The following GAREM1 variants were observed in gnomAD, a reference collection of about 807,000 sequenced individuals.
GAREM1 encodes GRB2 associated regulator of MAPK1 subtype 1.
Under a neutral mutation model 71.3 loss-of-function variants are expected in GAREM1, and 26 were observed. The ratio of observed to expected loss-of-function variants is 0.36; its 90% confidence interval spans 0.27 to 0.51. The LOEUF (loss-of-function observed/expected upper bound fraction) is 0.51, where lower values mean the gene tolerates loss of function less well. Among genes scored for constraint, GAREM1 ranks in the 20% least tolerant of loss-of-function variants. The pLI is 0.95. For synonymous variants in GAREM1, 440 were observed against 433.2 expected (o/e 1.02, Z -0.20); for missense variants, 1,026 against 1,103.1 (o/e 0.93, Z 0.99).
intron 2 of GAREM1, among the ~76,000 whole-genome samples, chr18:32,337,755 T>C (rs940890108): frequency 2.0e-5 from 3 of 152,202 alleles, no homozygotes; most frequent in Non-Finnish European, 4.4e-5. Flanking sequence ...CCTTGTTTTC[T>C]ACTCAAAACT....
rs537920379 is a variant in GAREM1 at position 32,409,091 on chromosome 18, G to A, written c.122-16056C>T. Among the ~76,000 whole-genome samples, 193 of 152,164 alleles carry A rather than the reference G, an allele frequency of 1.3e-3. 1 individual carries two copies. The highest frequency in any genetic ancestry group is 4.5e-3 in the African/African-American group (185 of 41,506). On this transcript the variant is annotated intron_variant, in intron 1 of 5. Coordinates refer to ENST00000269209, the MANE Select transcript of GAREM1 (RefSeq NM_001242409.2). ...CCCCAGTTAACCCATCAGCTCTTTT[G>A]GCTCAATATCATCTCTTTTTCTGCT...
In GAREM1 at chr18:32,265,338, A is replaced by G. The variant is rs556690248; in HGVS notation, c.*2533T>C. 6.6e-6 allele frequency: 1 copy of G among 152,348 alleles called. No individual in the cohort carries two copies. Among genetic ancestry groups the G allele is most frequent in the Non-Finnish European group, 1.5e-5 (1 of 68,042 alleles). 9.4% of individuals were successfully genotyped at this position (152,348 alleles called of 1,614,324 possible). On this transcript the variant is annotated 3_prime_UTR_variant, in exon 6 of 6. Transcript: ENST00000269209. ...TACTTTCTGCCTCCAACACATTCCA[A>G]GTTTTAGTGATCTTGGGGTGTTCTG...
At chr18:32,369,295 G>A (rs1439888983) in intron 2 of GAREM1, among the ~76,000 whole-genome samples, 14 of 152,154 alleles carry the variant, frequency 9.2e-5, no homozygotes, top group Admixed American at 8.5e-4. Context: ...ATTTTTATAC[G>A]TTTTTGAGCA....
intron 1 of GAREM1, among the ~76,000 whole-genome samples, chr18:32,414,086 C>A (rs2048445088): frequency 6.6e-6 from 1 of 151,956 alleles, no homozygotes; most frequent in Admixed American, 6.6e-5. Context: ...AATGAAAAAT[C>A]TATTTTAATG....
chr18:32,426,011 TTTTG>T (rs1262536016), intron 1 of GAREM1, among the ~76,000 whole-genome samples: 3 of 152,086 alleles, frequency 2.0e-5, no homozygotes, highest in Non-Finnish European at 4.4e-5. Flanking sequence ...TTTTAATTCT[TTTTG>T]TTTGTTTGAT....
Position 32,264,660 on chromosome 18 carries a change from A to G in GAREM1, c.*3211T>C, listed in dbSNP as rs2041348919. Reference sequence around the variant, plus strand: ...CTGCAACTTCATAAACTGCAATGATATATGTGGGTTGAAAGAATGTAAGTA... The same window carrying G: ...CTGCAACTTCATAAACTGCAATGATGTATGTGGGTTGAAAGAATGTAAGTA... On this transcript the variant is annotated 3_prime_UTR_variant, in exon 6 of 6. Coordinates refer to ENST00000269209, the MANE Select transcript of GAREM1 (RefSeq NM_001242409.2). The G allele has an allele frequency of 6.6e-6, 1 of 152,264 alleles. No homozygotes were observed. Among genetic ancestry groups the G allele is most frequent in the Admixed American group, 6.5e-5 (1 of 15,288 alleles). 9.4% of individuals were successfully genotyped at this position (152,264 alleles called of 1,614,324 possible).
At chr18:32,375,696 T>C (rs1210232513) in intron 2 of GAREM1, among the ~76,000 whole-genome samples, 1 of 152,202 alleles carries the variant, frequency 6.6e-6, no homozygotes, top group African/African-American at 2.4e-5. Flanking sequence ...AGCAGTGATT[T>C]GGAATTGATT....
At chr18:32,355,489 A>ACT (rs2047795744) in intron 2 of GAREM1, among the ~76,000 whole-genome samples, 1 of 152,214 alleles carries the variant, frequency 6.6e-6, no homozygotes, top group South Asian at 2.1e-4. Flanking sequence ...AAGTGGTCAA[A>ACT]ATACTAATTT....
intron 2 of GAREM1, among the ~76,000 whole-genome samples, chr18:32,326,994 A>G (rs557634120): frequency 1.3e-5 from 2 of 152,356 alleles, no homozygotes; most frequent in East Asian, 3.9e-4. Flanking sequence ...TGACTTTGTC[A>G]GGGAACAGAG....
At chr18:32,333,446 TG>T in intron 2 of GAREM1, among the ~76,000 whole-genome samples, 1 of 152,270 alleles carries the variant, frequency 6.6e-6, no homozygotes, top group East Asian at 1.9e-4. Flanking sequence ...ATGGGTCTGA[TG>T]GTGAGAAGCT....
At chr18:32,385,537 T>G (rs965038868) in intron 2 of GAREM1, among the ~76,000 whole-genome samples, 3 of 152,154 alleles carry the variant, frequency 2.0e-5, no homozygotes, top group South Asian at 2.1e-4. Flanking sequence ...GTCACCTGTA[T>G]GCAGATGACT....
chr18:32,289,106 C>T (rs889553081), intron 3 of GAREM1, among the ~76,000 whole-genome samples: 1 of 152,088 alleles, frequency 6.6e-6, no homozygotes, highest in African/African-American at 2.4e-5. Context: ...TTTTTGAAGA[C>T]AGGATCTTGC....
chr18:32,435,405 C>CT (rs2048666104), intron 1 of GAREM1, among the ~76,000 whole-genome samples: 1 of 152,128 alleles, frequency 6.6e-6, no homozygotes, highest in Admixed American at 6.6e-5. Context: ...TGGGAAAACT[C>CT]TATTTTTCTA....
intron 2 of GAREM1, among the ~76,000 whole-genome samples, chr18:32,347,435 T>C (rs751924969): frequency 2.6e-4 from 39 of 152,164 alleles, no homozygotes; most frequent in Non-Finnish European, 4.4e-4. Flanking sequence ...AAATCTCATG[T>C]CCTGGTTGAG....
At chr18:32,276,373 GTTCAAA>G (rs1225593863) in intron 4 of GAREM1, among the ~76,000 whole-genome samples, 4 of 152,098 alleles carry the variant, frequency 2.6e-5, no homozygotes, top group Admixed American at 2.0e-4. Context: ...TTTGCTATTT[GTTCAAA>G]TAGATTGAGT....
intron 3 of GAREM1, among the ~76,000 whole-genome samples, chr18:32,302,185 T>A (rs1391260812): frequency 2.0e-5 from 3 of 152,216 alleles, no homozygotes; most frequent in Non-Finnish European, 4.4e-5. Flanking sequence ...CTGGTTTCTA[T>A]GCTGGGCTTT....
chr18:32,462,949 G>A (rs1350717839), intron 1 of GAREM1, among the ~76,000 whole-genome samples: 1 of 152,126 alleles, frequency 6.6e-6, no homozygotes, highest in Admixed American at 6.5e-5. Context: ...ACTGGGGGAG[G>A]TTGGCCATTG....
At chr18:32,358,486 C>G (rs529392479) in intron 2 of GAREM1, among the ~76,000 whole-genome samples, 1 of 152,166 alleles carries the variant, frequency 6.6e-6, no homozygotes. Flanking sequence ...CAAAAGGGTG[C>G]TGCAAGCTTA....
chr18:32,292,772 A>T (rs181761699), intron 3 of GAREM1, among the ~76,000 whole-genome samples: 1 of 152,302 alleles, frequency 6.6e-6, no homozygotes, highest in Admixed American at 6.5e-5. Context: ...TTTGCTTTAT[A>T]AATTACCCAA....
Sources: allele counts gnomAD v4.1 joint callset (sites outside exome capture counted in the v4.1 genomes callset), GRCh38; gene constraint gnomAD v4.1.1; transcripts MANE v1.5; gene names NCBI Gene and HGNC (gene_info 2026-07-23, HGNC 2026-07-21).